UGT2B7: variants seen among roughly 807,000 people sequenced by gnomAD.
The protein encoded by UGT2B7 is UDP-glucuronosyltransferase 2B7.
UGT2B7 carries 51 observed loss-of-function variants against 51.9 expected under a neutral mutation model. The ratio of observed to expected loss-of-function variants is 0.98; its 90% confidence interval spans 0.78 to 1.24. The LOEUF is 1.24. Ranked by LOEUF, UGT2B7 falls within the 50% of genes most tolerant of loss-of-function variation. UGT2B7 has a pLI of 0.00. For missense variants in UGT2B7, 727 were observed against 628.4 expected (o/e 1.16, Z -1.68); for synonymous variants, 225 against 211.6 (o/e 1.06, Z -0.55).
intron 1 of UGT2B7, among the ~76,000 whole-genome samples, chr4:69,088,017 C>T (rs1477262363): frequency 1.3e-5 from 2 of 151,884 alleles, no homozygotes; most frequent in East Asian, 1.9e-4. Flanking sequence ...ATTATATATG[C>T]TTTCTAGACT....
chr4:69,081,449 C>T (rs1718835279), intron 1 of UGT2B7, among the ~76,000 whole-genome samples: 2 of 152,044 alleles, frequency 1.3e-5, no homozygotes, highest in Admixed American at 6.6e-5. Context: ...ACAAAAATGA[C>T]CTTTTGACTG....
chr4:69,083,822 G>A (rs1718887824), intron 1 of UGT2B7, among the ~76,000 whole-genome samples: 1 of 151,174 alleles, frequency 6.6e-6, no homozygotes, highest in African/African-American at 2.4e-5. Flanking sequence ...CATGTCATAT[G>A]CAGAGAGGGA....
At chr4:69,051,577 C>G (rs1387624617) in exon 1 of UGT2B7, 1 of 152,370 alleles carries the variant, frequency 6.6e-6, no homozygotes, top group Non-Finnish European at 1.5e-5. Flanking sequence ...GGAACTGGCA[C>G]TTGGAGTCCA....
intron 1 of UGT2B7, among the ~76,000 whole-genome samples, chr4:69,068,562 C>T (rs1013018477): frequency 2.0e-5 from 3 of 151,716 alleles, no homozygotes; most frequent in Non-Finnish European, 4.4e-5. Flanking sequence ...AAGCATAATG[C>T]TGGTATTGAA....
chr4:69,092,962 G>GA (rs57058697), upstream of UGT2B7, among the ~76,000 whole-genome samples: 252 of 131,488 alleles, frequency 1.9e-3, no homozygotes, highest in East Asian at 7.4e-3. Context: ...CCCCACCCCA[G>GA]AAAAAAAAAA....
intron 1 of UGT2B7, among the ~76,000 whole-genome samples, chr4:69,061,117 A>T (rs562366181): frequency 6.6e-6 from 1 of 152,328 alleles, no homozygotes; most frequent in African/African-American, 2.4e-5. Flanking sequence ...GTCTTTGTCT[A>T]CAGGAACTGC....
At chr4:69,059,359 A>G (rs1211367033) in intron 1 of UGT2B7, among the ~76,000 whole-genome samples, 1 of 152,204 alleles carries the variant, frequency 6.6e-6, no homozygotes, top group Non-Finnish European at 1.5e-5. Flanking sequence ...TCTCATCCCA[A>G]ATGGTTCTGT....
chr4:69,092,155 G>A (rs1330815023), upstream of UGT2B7, among the ~76,000 whole-genome samples: 3 of 151,980 alleles, frequency 2.0e-5, no homozygotes, highest in African/African-American at 4.8e-5. Flanking sequence ...ACCCAGGCTG[G>A]TCTCAAACTC....
intron 2 of UGT2B7, 61 bp from the exon 3 acceptor site, chr4:69,102,746 C>A: frequency 5.1e-6 from 8 of 1,571,106 alleles, no homozygotes; most frequent in South Asian, 1.2e-5. Context: ...TGCACCAATT[C>A]TTTTGGTAGT....
rs775461167 is a variant in UGT2B7 at position 69,112,529 on chromosome 4, C to T, written c.1383C>T (p.Val461=). 2 of 1,613,830 alleles carry T rather than the reference C, an allele frequency of 1.2e-6. No homozygotes were observed. The highest frequency in any genetic ancestry group is 1.7e-6 in the Non-Finnish European group (2 of 1,179,860). Residue 461 remains valine (V), a synonymous_variant, in exon 6 of 6, where the codon GTC becomes GTT. Coordinates refer to ENST00000305231, the MANE Select transcript of UGT2B7 (RefSeq NM_001074.4). ...DQPVKPLDRA[V]FWIEFVMRHK... ...CAGTGAAGCCCCTGGATCGAGCAGT[C>T]TTCTGGATTGAATTTGTCATGCGCC...
At chr4:69,052,846 T>C (rs1435069670) in intron 1 of UGT2B7, among the ~76,000 whole-genome samples, 2 of 152,136 alleles carry the variant, frequency 1.3e-5, no homozygotes, top group Admixed American at 6.5e-5. Context: ...AAGTAAAACA[T>C]ACCTTTGGTA....
At chr4:69,107,403 G>C (rs2109893126) in intron 4 of UGT2B7, 141 bp downstream of exon 4, 1 of 993,542 alleles carries the variant, frequency 1.0e-6, no homozygotes, top group African/African-American at 2.5e-5. Context: ...CCAGTCTTAA[G>C]GGAGAAAGAA....
intron 1 of UGT2B7, among the ~76,000 whole-genome samples, chr4:69,073,420 G>A (rs544546047): frequency 1.3e-5 from 2 of 152,102 alleles, no homozygotes; most frequent in East Asian, 3.9e-4. Context: ...GATTCTTCTT[G>A]GTATAGAGAC....
Position 69,064,094 on chromosome 4 carries a change from A to AAGAAAGAAAGAGAGAG in UGT2B7, c.-159+12495_-159+12496insAAGAAAGAGAGAGAGA, listed in dbSNP as rs1560499755. On this transcript the variant is annotated intron_variant, in intron 1 of 5. Coordinates refer to the UGT2B7 transcript ENST00000502942. ...AAAGAAAGAAAGAAAGAAAGAAAGA[A>AAGAAAGAAAGAGAGAG]AGAGAAAGAAAGAAAGAAAAAGAAA... is the stretch of plus-strand genomic sequence containing the variant. Among the ~76,000 whole-genome samples the AAGAAAGAAAGAGAGAG allele has an allele frequency of 3.9e-4, 33 of 84,390 alleles. 1 individual carries two copies. The highest frequency in any genetic ancestry group is 4.7e-4 in the Non-Finnish European group (20 of 42,318). The allele number at this position is 84,390 out of a possible 152,430, so 55.4% of individuals were successfully genotyped here. A position where few individuals can be genotyped will look rare whatever the true frequency, so the allele number is the denominator to read the frequency against.
In UGT2B7 at chr4:69,108,182, G is replaced by A. The variant is rs1334870315; in HGVS notation, c.1170G>A (p.Met390Ile). 4 of 1,613,592 alleles carry A rather than the reference G, an allele frequency of 2.5e-6. No individual in the cohort carries two copies. Among genetic ancestry groups the A allele is most frequent in the Non-Finnish European group, 3.4e-6 (4 of 1,179,724 alleles). The change falls in exon 5 of 6, where the codon ATG becomes ATA. Residue 390 changes from methionine to isoleucine, a missense_variant. Transcript: ENST00000305231. ...AGGCAATCTACCATGGGATCCCTAT[G>A]GTGGGGATTCCATTGTTTGCCGATC... ...IYEAIYHGIP[M>I]VGIPLFADQP...
rs1719667319 is a variant in UGT2B7, at chr4:69,108,194, A to G, written c.1182A>G (p.Pro394=). 6.2e-7 allele frequency: 1 copy of G among 1,613,686 alleles called. No individual in the cohort carries two copies. The highest frequency in any genetic ancestry group is 1.7e-5 in the Admixed American group (1 of 59,982). Residue 394 remains proline, a synonymous_variant, in exon 5 of 6, where the codon CCA becomes CCG. Transcript: ENST00000305231. ...IYHGIPMVGI[P]LFADQPDNIA... is the part of the protein sequence containing the mutation. Reference sequence around the variant, plus strand: ...ATGGGATCCCTATGGTGGGGATTCCATTGTTTGCCGATCAACCTGATAACA... The same window carrying G: ...ATGGGATCCCTATGGTGGGGATTCCGTTGTTTGCCGATCAACCTGATAACA...
intron 1 of UGT2B7, among the ~76,000 whole-genome samples, chr4:69,086,206 A>T (rs1316896936): frequency 6.6e-6 from 1 of 151,222 alleles, no homozygotes; most frequent in African/African-American, 2.4e-5. Flanking sequence ...TTCCATTTTT[A>T]TTTTTGTCAT....
At chr4:69,056,837 TGA>T (rs1264762740) in intron 1 of UGT2B7, among the ~76,000 whole-genome samples, 4 of 152,230 alleles carry the variant, frequency 2.6e-5, no homozygotes, top group Admixed American at 2.0e-4. Context: ...TAATAAAAAG[TGA>T]GAGTCTCAAA....
intron 1 of UGT2B7, among the ~76,000 whole-genome samples, chr4:69,066,805 TA>T (rs1560500424): frequency 6.6e-6 from 1 of 152,166 alleles, no homozygotes; most frequent in Non-Finnish European, 1.5e-5. Context: ...TCATTACACC[TA>T]CCCTTCCTCC....
Sources: allele counts gnomAD v4.1 joint callset (sites outside exome capture counted in the v4.1 genomes callset), GRCh38; gene constraint gnomAD v4.1.1; transcripts MANE v1.5; gene names NCBI Gene and HGNC (gene_info 2026-07-23, HGNC 2026-07-21).